Variants in NADK2 observed in about 807,000 individuals in gnomAD.
The protein encoded by NADK2 is NAD kinase 2, mitochondrial.
NADK2 carries 35 observed loss-of-function variants against 62.1 expected under a neutral mutation model. The ratio of observed to expected loss-of-function variants is 0.56; its 90% CI spans 0.43 to 0.75. NADK2 has a LOEUF of 0.75. Among genes scored for constraint, NADK2 ranks in the 30% least tolerant of loss-of-function variants. The pLI, the probability that NADK2 is intolerant of heterozygous loss-of-function variation, is 0.00. For missense variants in NADK2, 439 were observed against 561.3 expected (o/e 0.78, Z 2.20); for synonymous variants, 205 against 207.9 (o/e 0.99, Z 0.12).
At chr5:36,226,226 G>C in intron 3 of NADK2, among the ~76,000 whole-genome samples, 1 of 152,012 alleles carries the variant, frequency 6.6e-6, no homozygotes, top group East Asian at 1.9e-4. Flanking sequence ...TACAATAACT[G>C]ATCCTTTGAA....
chr5:36,202,141 G>A (rs1315316706), intron 8 of NADK2, among the ~76,000 whole-genome samples: 1 of 151,980 alleles, frequency 6.6e-6, no homozygotes, highest in African/African-American at 2.4e-5. Context: ...TACCCTTCAT[G>A]TTTGGAGAAA....
At chr5:36,208,943 A>G (rs550001861) in intron 7 of NADK2, among the ~76,000 whole-genome samples, 96 of 152,160 alleles carry the variant, frequency 6.3e-4, no homozygotes, top group Non-Finnish European at 1.9e-4. Context: ...CCAAATCTCA[A>G]TTTTGTCACT....
At chr5:36,222,917 T>A (rs538056437) in intron 4 of NADK2, among the ~76,000 whole-genome samples, 46 of 152,316 alleles carry the variant, frequency 3.0e-4, no homozygotes, top group Admixed American at 5.2e-4. Context: ...AAGGAGAGTT[T>A]ATTGGTACAT....
At chr5:36,213,555 A>G (rs1243745434) in intron 6 of NADK2, among the ~76,000 whole-genome samples, 2 of 149,578 alleles carry the variant, frequency 1.3e-5, no homozygotes, top group Non-Finnish European at 3.0e-5. Context: ...TTGTTTACCT[A>G]AATTATCAGC....
At chr5:36,228,899 A>G (rs1217157013) in intron 1 of NADK2, among the ~76,000 whole-genome samples, 1 of 151,968 alleles carries the variant, frequency 6.6e-6, no homozygotes, top group Non-Finnish European at 1.5e-5. Flanking sequence ...AGCTGGGGTT[A>G]CAGGTGTGAG....
intron 10 of NADK2, 61 bp downstream of exon 10, chr5:36,200,166 T>G: frequency 4.9e-6 from 6 of 1,232,128 alleles, no homozygotes; most frequent in Non-Finnish European, 6.7e-6. Context: ...CACTTCACAC[T>G]ATCATCCTTA....
intron 4 of NADK2, 26 bp downstream of exon 4, chr5:36,225,516 A>T (rs955956689): frequency 5.6e-6 from 9 of 1,594,944 alleles, no homozygotes; most frequent in South Asian, 1.1e-5. Flanking sequence ...ACACAAATCA[A>T]ACAAAATGTA....
chr5:36,220,643 A>T (rs553214673), intron 4 of NADK2, among the ~76,000 whole-genome samples: 1 of 152,350 alleles, frequency 6.6e-6, no homozygotes, highest in East Asian at 1.9e-4. Flanking sequence ...TAGTTCACAC[A>T]ATGTTAAGTA....
At chr5:36,211,970 C>G in intron 6 of NADK2, 48 bp from the exon 7 acceptor site, 1 of 1,396,686 alleles carries the variant, frequency 7.2e-7, no homozygotes, top group Non-Finnish European at 9.9e-7. Flanking sequence ...TCCTTGATTT[C>G]TAGAAATGTT....
intron 1 of NADK2, among the ~76,000 whole-genome samples, chr5:36,233,191 C>G (rs189790087): frequency 3.9e-5 from 6 of 152,268 alleles, no homozygotes; most frequent in Non-Finnish European, 7.4e-5. Flanking sequence ...TGGTCTAATG[C>G]AAAAGCTTGC....
rs555437736 is a variant in NADK2, at chr5:36,205,291, C to T, written c.956+1879G>A. Reference sequence around the variant, plus strand: ...TGATTAATTCACTGTCTTTATGAAACAGGTGAGTGTTAAGGATTTGCTAAA... The same window carrying T: ...TGATTAATTCACTGTCTTTATGAAATAGGTGAGTGTTAAGGATTTGCTAAA... On this transcript the variant is annotated intron_variant, in intron 8 of 11. Coordinates refer to ENST00000381937, the MANE Select transcript of NADK2 (RefSeq NM_001085411.3). This position sits in a 1 kb window ranked among gnomAD's most constrained non-coding sequence, Gnocchi z 4.1. 8.3e-4 allele frequency among the ~76,000 whole-genome samples: 123 copies of T among 148,334 alleles called. No homozygotes were observed. The highest frequency in any genetic ancestry group is 2.9e-3 in the African/African-American group (117 of 40,448).
At chr5:36,217,274 A>G (rs1170862083) in intron 6 of NADK2, among the ~76,000 whole-genome samples, 4 of 152,214 alleles carry the variant, frequency 2.6e-5, no homozygotes, top group African/African-American at 9.6e-5. Flanking sequence ...TAACAAAAAA[A>G]GCTGCCAAAT....
Position 36,201,098 on chromosome 5 carries a change from G to GT in NADK2, c.1012+7dup. The GT allele has an allele frequency of 6.2e-7, 1 of 1,611,526 alleles. No homozygotes were observed. Among genetic ancestry groups the GT allele is most frequent in the East Asian group, 2.2e-5 (1 of 44,852 alleles). On this transcript the variant is annotated splice_region_variant and intron_variant, in intron 9 of 11. Coordinates refer to ENST00000381937, the MANE Select transcript of NADK2 (RefSeq NM_001085411.3). ...GGGGACTACTCCAATAGCTGTTTTG[G>GT]TACTCACCAATATTTAAAACATCTT...
chr5:36,233,833 T>C (rs748383029), intron 1 of NADK2, among the ~76,000 whole-genome samples: 1 of 152,186 alleles, frequency 6.6e-6, no homozygotes, highest in African/African-American at 2.4e-5. Context: ...CAAGTCTTGC[T>C]GTTCTCTCCT....
chr5:36,236,006 CAAAT>C (rs1379660210), intron 1 of NADK2, among the ~76,000 whole-genome samples: 8 of 151,762 alleles, frequency 5.3e-5, no homozygotes, highest in East Asian at 1.9e-4. Flanking sequence ...CTGATAGTGA[CAAAT>C]AAAGTCAATT....
At chr5:36,211,730 C>T (rs1746852747) in intron 7 of NADK2, 114 bp downstream of exon 7, 2 of 797,876 alleles carry the variant, frequency 2.5e-6, no homozygotes, top group Non-Finnish European at 4.2e-6. Context: ...TAATGAACTG[C>T]CATTACTTGC....
chr5:36,199,684 TA>T (rs1746367058), intron 10 of NADK2, among the ~76,000 whole-genome samples: 1 of 152,140 alleles, frequency 6.6e-6, no homozygotes, highest in Middle Eastern at 3.4e-3. Flanking sequence ...TTTACAACTG[TA>T]GAGGATCACA....
At position 36,195,105 on chromosome 5, in the gene NADK2, A is replaced by G. The variant is rs1377887413; in HGVS notation, c.*39T>C. 3 of 1,578,820 alleles carry G rather than the reference A, an allele frequency of 1.9e-6. No individual in the cohort carries two copies. Among genetic ancestry groups the G allele is most frequent in the Non-Finnish European group, 2.6e-6 (3 of 1,165,322 alleles). On this transcript the variant is annotated 3_prime_UTR_variant, in exon 12 of 12. Coordinates refer to ENST00000381937, the MANE Select transcript of NADK2 (RefSeq NM_001085411.3). ...GGTAGTCTGTTTCTGAAGTAAAAAT[A>G]TTCTCGCCAGTAATCAAAATTTGTC...
At chr5:36,219,711 A>G (rs904642466) in intron 4 of NADK2, 32 bp from the exon 5 acceptor site, 1 of 1,558,984 alleles carries the variant, frequency 6.4e-7, no homozygotes, top group African/African-American at 1.4e-5. Flanking sequence ...TTGGTGATAT[A>G]AAGAGGAAAA....
Sources: gnomAD v4.1 joint callset for allele counts (sites outside exome capture counted in the v4.1 genomes callset) on GRCh38, gnomAD v4.1.1 for gene constraint, Gnocchi (gnomAD v3.1) non-coding constraint, MANE v1.5 for transcripts, NCBI Gene and HGNC (gene_info 2026-07-23, HGNC 2026-07-21) for gene names.